Variants in ERCC5 observed in about 807,000 individuals in gnomAD.
The protein encoded by ERCC5 is DNA excision repair protein ERCC-5.
In ERCC5, 68 loss-of-function variants were observed where a neutral mutation model predicts 105.6. That is an observed-to-expected ratio of 0.64 (90% CI 0.53 to 0.79). The LOEUF (loss-of-function observed/expected upper bound fraction) is 0.79. ERCC5 is among the 30% of genes least tolerant of loss of function. ERCC5 has a pLI of 0.00. For missense variants in ERCC5, 1,373 were observed against 1,426.7 expected, an observed-to-expected ratio of 0.96 and a Z score of 0.61; for synonymous variants, 546 against 526.2, an observed-to-expected ratio of 1.04 and a Z score of -0.51.
intron 2 of ERCC5, 51 bp downstream of exon 2, chr13:102,852,344 C>T: frequency 6.3e-7 from 1 of 1,594,572 alleles, no homozygotes; most frequent in Non-Finnish European, 8.5e-7. Flanking sequence ...TTTCTTTCTG[C>T]ATTCTTAGAA....
At position 102,862,422 on chromosome 13, in the gene ERCC5, A is replaced by G. The variant is rs1014584655; in HGVS notation, c.1273A>G (p.Thr425Ala). The G allele has an allele frequency of 1.2e-5, 20 of 1,614,030 alleles. No individual in the cohort carries two copies. In the African/African-American group the frequency reaches 2.4e-4, roughly 19 times the overall value. Residue 425 changes from threonine to alanine, a missense_variant, in exon 8 of 15, where the codon ACC becomes GCC. Thr to Ala is a moderately conservative substitution (Grantham distance 58). This residue lies in a region of ERCC5 where 1,004 missense variants were observed against 1,059.7 expected (regional missense o/e 0.95). Transcript: ENST00000652225. ...GAEEMRINSS[T>A]ENSDEGLKVR... ...AGAAGAAATGCGTATAAACAGCTCC[A>G]CCGAGAACAGTGATGAAGGACTTAA...
chr13:102,873,286 C>A lies in ERCC5; in HGVS notation c.2907C>A (p.Asn969Lys). ...REFCQRYFGW[N>K]RTKTDESLFP... The stretch of plus-strand genomic sequence containing the variant: ...TTTGTCAGCGGTATTTCGGCTGGAA[C>A]AGAACGAAGACAGATGAATCTCTGT... The change falls in exon 14 of 15, where the codon AAC becomes AAA. Residue 969 changes from asparagine (N) to lysine (K), a missense_variant. Physicochemically the swap from Asn to Lys is moderately conservative, Grantham distance 94 (BLOSUM62 0). This residue lies in a region of ERCC5 where 367 missense variants were observed against 350.2 expected (regional missense o/e 1.05). Transcript: ENST00000652225. The A allele has an allele frequency of 6.2e-7, 1 of 1,614,094 alleles. No homozygotes were observed. Among genetic ancestry groups the A allele is most frequent in the Non-Finnish European group, 8.5e-7 (1 of 1,180,008 alleles).
At position 102,858,416 on chromosome 13, in the gene ERCC5, G is replaced by C. The variant is rs552776094; in HGVS notation, c.670G>C (p.Glu224Gln). 41 of 1,614,126 alleles carry C rather than the reference G, an allele frequency of 2.5e-5. No individual in the cohort carries two copies. In the South Asian group the frequency reaches 4.0e-4, roughly 16 times the overall value. Residue 224 changes from glutamate (E) to glutamine (Q), a missense_variant and splice_region_variant, in exon 6 of 15, where the codon GAG (glutamate) becomes CAG (glutamine). Physicochemically the swap from Glu to Gln is conservative, Grantham distance 29. This residue lies in a region of ERCC5 where 1,004 missense variants were observed against 1,059.7 expected (regional missense o/e 0.95). Coordinates refer to ENST00000652225, the MANE Select transcript of ERCC5 (RefSeq NM_000123.4). ...AAGAACATTATTTGAAGCAATGCCAGAGGTGAAATATGCAACAGTACATTC... is the reference window on the plus strand; with the variant it reads ...AAGAACATTATTTGAAGCAATGCCACAGGTGAAATATGCAACAGTACATTC... ...RRRTLFEAMP[E>Q]ESDDFSQYQL...
chr13:102,849,186 C>T, intron 1 of ERCC5: 1 of 519,016 alleles, frequency 1.9e-6, no homozygotes, highest in South Asian at 1.4e-5. Context: ...CAAGTTCTAC[C>T]TCTGAGATGT....
In ERCC5 at chr13:102,869,236, A is replaced by G. The variant is rs4150347; in HGVS notation, c.2678+979A>G. On this transcript the variant is annotated intron_variant, in intron 12 of 14. Coordinates refer to ENST00000652225, the MANE Select transcript of ERCC5 (RefSeq NM_000123.4). ...CACACTCACCAATGTGTTGTATTTT[A>G]TACTTTCTTCATTTATCTTTTTCTG... 5.1e-3 allele frequency among the ~76,000 whole-genome samples: 775 copies of G among 152,288 alleles called. 9 individuals carry two copies. The highest frequency in any genetic ancestry group is 0.018 in the African/African-American group (739 of 41,558).
chr13:102,852,778 C>T (rs1047844157), intron 2 of ERCC5, among the ~76,000 whole-genome samples: 2 of 152,102 alleles, frequency 1.3e-5, no homozygotes, highest in Non-Finnish European at 2.9e-5. Flanking sequence ...AGGAAATTGA[C>T]CATGATATAG....
chr13:102,853,590 G>A (rs1470319597), intron 2 of ERCC5, among the ~76,000 whole-genome samples, 167 bp from the exon 3 acceptor site: 4 of 152,290 alleles, frequency 2.6e-5, no homozygotes, highest in East Asian at 1.9e-4. Context: ...TGTCCTTTAC[G>A]TAGCAGCAAC....
intron 5 of ERCC5, 87 bp from the exon 6 acceptor site, chr13:102,858,188 A>T: frequency 6.4e-7 from 1 of 1,552,588 alleles, no homozygotes; most frequent in Admixed American, 1.7e-5. Context: ...TGTGTTTATT[A>T]TATAAACATA....
At chr13:102,852,778 C>G (rs1047844157) in intron 2 of ERCC5, among the ~76,000 whole-genome samples, 2 of 152,102 alleles carry the variant, frequency 1.3e-5, no homozygotes, top group Non-Finnish European at 2.9e-5. Context: ...AGGAAATTGA[C>G]CATGATATAG....
At chr13:102,849,933 G>GC (rs1232913931) in intron 1 of ERCC5, among the ~76,000 whole-genome samples, 1 of 142,684 alleles carries the variant, frequency 7.0e-6, no homozygotes, top group Non-Finnish European at 1.5e-5. Flanking sequence ...GTTTCTCTCT[G>GC]TTTTTTTTTT....
intron 14 of ERCC5, among the ~76,000 whole-genome samples, chr13:102,873,644 A>T (rs1263740117): frequency 6.6e-6 from 1 of 152,132 alleles, no homozygotes; most frequent in African/African-American, 2.4e-5. Flanking sequence ...ACCCCTTGGG[A>T]TTTACTTTCA....
chr13:102,867,969 ATAATT>A, intron 11 of ERCC5, 139 bp from the exon 12 acceptor site: 1 of 858,348 alleles, frequency 1.2e-6, no homozygotes, highest in East Asian at 2.7e-5. Context: ...ATTGAATAAA[ATAATT>A]TATTTTCAAA....
chr13:102,868,193 G>A lies in ERCC5; in HGVS notation c.2614G>A (p.Val872Ile), dbSNP rs2140534270. 3 of 1,614,212 alleles carry A rather than the reference G, an allele frequency of 1.9e-6. No homozygotes were observed. Among genetic ancestry groups the A allele is most frequent in the Non-Finnish European group, 1.7e-6 (2 of 1,180,040 alleles). Residue 872 changes from valine to isoleucine, a missense_variant, in exon 12 of 15, where the codon GTA (valine) becomes ATA (isoleucine). By Grantham distance (29) the Val-to-Ile change is conservative (BLOSUM62 3). Transcript: ENST00000652225. Reference protein sequence around the residue: ...YTEGIPTVGCVTAMEILNEFP... With the variant: ...YTEGIPTVGCITAMEILNEFP... ...CGAAGGAATACCAACTGTGGGTTGT[G>A]TAACCGCCATGGAAATTCTCAATGA... is the stretch of plus-strand genomic sequence containing the variant.
chr13:102,864,654 G>C (rs1784162663), intron 8 of ERCC5: 1 of 152,100 alleles, frequency 6.6e-6, no homozygotes, highest in African/African-American at 2.4e-5. Flanking sequence ...TCTCTGCCCT[G>C]GTCCTGGAAC....
rs1246763212 is a variant in ERCC5, at chr13:102,862,287, G to A, written c.1138G>A (p.Glu380Lys). Residue 380 changes from glutamate (E) to lysine (K), a missense_variant, in exon 8 of 15, where the codon GAA becomes AAA. Glu to Lys is a moderately conservative substitution (Grantham distance 56, BLOSUM62 1). Transcript: ENST00000652225. ...RGRNAPAAVDEGSISPRTLSA... is the reference protein window; with the variant it reads ...RGRNAPAAVDKGSISPRTLSA... ...GAGGAACGCACCTGCTGCTGTAGACGAAGGCTCCATATCACCCCGGACTCT... is the reference window on the plus strand; with the variant it reads ...GAGGAACGCACCTGCTGCTGTAGACAAAGGCTCCATATCACCCCGGACTCT... 1.7e-5 allele frequency: 27 copies of A among 1,613,980 alleles called. No individual in the cohort carries two copies. Among genetic ancestry groups the A allele is most frequent in the Admixed American group, 3.3e-5 (2 of 59,990 alleles).
In ERCC5 at chr13:102,854,275, G is replaced by T. The variant is rs1566465018; in HGVS notation, c.381-13G>T. 3 of 1,614,040 alleles carry T rather than the reference G, an allele frequency of 1.9e-6. No homozygotes were observed. Among genetic ancestry groups the T allele is most frequent in the Non-Finnish European group, 1.7e-6 (2 of 1,179,924 alleles). On this transcript the variant is annotated splice_polypyrimidine_tract_variant and intron_variant, in intron 3 of 14. Coordinates refer to ENST00000652225, the MANE Select transcript of ERCC5 (RefSeq NM_000123.4). Reference sequence around the variant, plus strand: ...GTCTGCATAATCTGTTTAAAGATTTGTGTACTTTCCAGAGATGAAGCACTA... The same window carrying T: ...GTCTGCATAATCTGTTTAAAGATTTTTGTACTTTCCAGAGATGAAGCACTA...
chr13:102,857,336 C>G (rs1882462717), intron 5 of ERCC5, among the ~76,000 whole-genome samples: 1 of 152,188 alleles, frequency 6.6e-6, no homozygotes, highest in Admixed American at 6.5e-5. Flanking sequence ...TGTGATCTTA[C>G]ACAGATTAAA....
At chr13:102,856,994 G>A (rs1387116477) in intron 5 of ERCC5, among the ~76,000 whole-genome samples, 3 of 152,226 alleles carry the variant, frequency 2.0e-5, no homozygotes, top group Admixed American at 2.0e-4. Context: ...GGGGCAGAGA[G>A]TTAGACAAGA....
chr13:102,865,823 ACT>A lies in ERCC5; in HGVS notation c.2114_2115del (p.Ser705Ter), dbSNP rs1882812699. 6.2e-7 allele frequency: 1 copy of A among 1,614,192 alleles called. No homozygotes were observed. The highest frequency in any genetic ancestry group is 1.3e-5 in the African/African-American group (1 of 75,052). ...GAGTCCGAGAGCCTCCTGAGGGACA[ACT>A]CTGAGAGGGACGACGTGGATGGTGA... On this transcript the variant is annotated frameshift_variant, in exon 9 of 15. Transcript: ENST00000652225. LOFTEE classifies it high-confidence loss of function. This position sits in a 1 kb window ranked among gnomAD's most constrained non-coding sequence, Gnocchi z 4.0.
Sources: allele counts gnomAD v4.1 joint callset (sites outside exome capture counted in the v4.1 genomes callset), GRCh38; gene constraint gnomAD v4.1.1; regional missense constraint gnomAD v4.1.1; non-coding constraint Gnocchi (gnomAD v3.1); transcripts MANE v1.5; gene names NCBI Gene and HGNC (gene_info 2026-07-23, HGNC 2026-07-21).